Variants in TUSC3 observed in about 807,000 individuals in gnomAD.
TUSC3 encodes the protein tumor suppressor candidate 3, also known as dolichyl-diphosphooligosaccharide--protein glycosyltransferase subunit TUSC3.
TUSC3 carries 45 observed loss-of-function variants against 44.8 expected under a neutral mutation model. That is an observed-to-expected ratio of 1.00 (90% CI 0.79 to 1.29). The LOEUF (loss-of-function observed/expected upper bound fraction) is 1.29. Ranked by LOEUF, TUSC3 falls within the 50% of genes most tolerant of loss-of-function variation. TUSC3 has a pLI of 0.00. For missense variants in TUSC3, 519 were observed against 437.9 expected (o/e 1.19, Z -1.65); for synonymous variants, 212 against 152.9 (o/e 1.39, Z -2.85).
At chr8:15,587,846 A>AT (rs1803662078) in intron 1 of TUSC3, among the ~76,000 whole-genome samples, 1 of 152,090 alleles carries the variant, frequency 6.6e-6, no homozygotes, top group African/African-American at 2.4e-5. Context: ...AGTTTTTAAA[A>AT]TTTAAGATAA....
intron 2 of TUSC3, among the ~76,000 whole-genome samples, chr8:15,637,343 C>T (rs1276844282): frequency 6.6e-6 from 1 of 152,038 alleles, no homozygotes; most frequent in Non-Finnish European, 1.5e-5. Flanking sequence ...GTAATACAGA[C>T]TTCATTTCTG....
intron 2 of TUSC3, among the ~76,000 whole-genome samples, chr8:15,637,723 G>C (rs918046647): frequency 6.6e-6 from 1 of 151,994 alleles, no homozygotes; most frequent in Non-Finnish European, 1.5e-5. Context: ...GGGATGGCTA[G>C]ACTTTTGAGT....
At chr8:15,673,291 C>T (rs1013129487) in intron 5 of TUSC3, among the ~76,000 whole-genome samples, 3 of 152,120 alleles carry the variant, frequency 2.0e-5, no homozygotes, top group African/African-American at 4.8e-5. Context: ...TAGGTACTTA[C>T]GGAGATTTAA....
At chr8:15,808,858 C>CT in the TUSC3 span, among the ~76,000 whole-genome samples, 59 of 152,048 alleles carry the variant, frequency 3.9e-4, 1 homozygote, top group East Asian at 8.1e-3. Context: ...CACAGGTTGT[C>CT]TTTTTTTAAA....
At chr8:15,567,498 C>T (rs1348825246) in intron 1 of TUSC3, among the ~76,000 whole-genome samples, 4 of 152,130 alleles carry the variant, frequency 2.6e-5, no homozygotes, top group Non-Finnish European at 4.4e-5. Context: ...CTTAAGATTC[C>T]TCTTAAATAG....
intron 1 of TUSC3, among the ~76,000 whole-genome samples, chr8:15,571,787 T>C (rs566847028): frequency 2.6e-5 from 4 of 152,318 alleles, no homozygotes; most frequent in African/African-American, 9.6e-5. Flanking sequence ...CAACTAAGTT[T>C]ATGCAGCGTT....
In TUSC3 at chr8:15,748,370, T is replaced by C. The variant is rs1462680779; in HGVS notation, c.938-5T>C. 1 of 1,610,086 alleles carries C rather than the reference T, an allele frequency of 6.2e-7. No individual in the cohort carries two copies. The highest frequency in any genetic ancestry group is 1.1e-5 in the South Asian group (1 of 91,016). On this transcript the variant is annotated splice_polypyrimidine_tract_variant and splice_region_variant and intron_variant, in intron 8 of 10. Coordinates refer to ENST00000503731, the MANE Select transcript of TUSC3 (RefSeq NM_006765.4). ...ACACTAATGGTATTTTCTGTCTGTT[T>C]CTAGTAATTTGCCTAGTGGGATTGG... is the stretch of plus-strand genomic sequence containing the variant.
At chr8:15,702,061 G>C (rs1205597430) in intron 6 of TUSC3, among the ~76,000 whole-genome samples, 3 of 152,160 alleles carry the variant, frequency 2.0e-5, no homozygotes, top group Non-Finnish European at 4.4e-5. Context: ...AATGGGACGA[G>C]AATGGAAGAG....
chr8:15,829,908 C>G, the TUSC3 span, among the ~76,000 whole-genome samples: 1 of 152,124 alleles, frequency 6.6e-6, no homozygotes, highest in Middle Eastern at 3.2e-3. Flanking sequence ...TATATTCCCA[C>G]CAGCAGTGTG....
the TUSC3 span, among the ~76,000 whole-genome samples, chr8:15,817,202 A>G: frequency 1.3e-5 from 2 of 152,300 alleles, no homozygotes; most frequent in African/African-American, 4.8e-5. Flanking sequence ...TTGAAAGCAC[A>G]ACGTAGTGAA....
chr8:15,543,456 G>A (rs369425115), intron 1 of TUSC3, among the ~76,000 whole-genome samples: 4 of 152,144 alleles, frequency 2.6e-5, no homozygotes, highest in South Asian at 4.1e-4. Flanking sequence ...TTACAATTCA[G>A]CCTCTAATTT....
chr8:15,771,194 A>G (rs957439469), downstream of TUSC3, among the ~76,000 whole-genome samples: 6 of 152,170 alleles, frequency 3.9e-5, no homozygotes, highest in African/African-American at 1.2e-4. Flanking sequence ...CTTCCCAGAA[A>G]AAAGAGTCTG....
At chr8:15,749,117 T>G (rs1239039590) in intron 9 of TUSC3, among the ~76,000 whole-genome samples, 1 of 24,234 alleles carries the variant, frequency 4.1e-5, no homozygotes, top group African/African-American at 1.3e-4. Context: ...TCAAGTTTTC[T>G]TAAATAACTT....
intron 5 of TUSC3, among the ~76,000 whole-genome samples, chr8:15,667,254 C>T (rs766094874): frequency 2.6e-5 from 4 of 151,532 alleles, no homozygotes; most frequent in Middle Eastern, 3.2e-3. Context: ...GCTGAAATGA[C>T]TGTAAAGATA....
chr8:15,515,360 G>A (rs1416343924), intron 2 of TUSC3, among the ~76,000 whole-genome samples: 1 of 152,126 alleles, frequency 6.6e-6, no homozygotes, highest in East Asian at 1.9e-4. Context: ...GTCCACTGAA[G>A]AATGAAGACA....
chr8:15,640,966 A>T (rs1806338343), intron 2 of TUSC3, among the ~76,000 whole-genome samples: 1 of 152,156 alleles, frequency 6.6e-6, no homozygotes, highest in African/African-American at 2.4e-5. Flanking sequence ...GGAATTCATG[A>T]GGCATGTTTA....
chr8:15,421,150 A>T (rs546673376), intron 1 of TUSC3, among the ~76,000 whole-genome samples: 13 of 152,118 alleles, frequency 8.5e-5, no homozygotes, highest in African/African-American at 3.1e-4. Flanking sequence ...TATTCCATTC[A>T]TATTCTTCCT....
At chr8:15,596,395 C>T (rs922829618) in intron 1 of TUSC3, among the ~76,000 whole-genome samples, 5 of 152,058 alleles carry the variant, frequency 3.3e-5, no homozygotes, top group African/African-American at 1.2e-4. Context: ...TTTTCTCAAC[C>T]GAATGCAGCT....
intron 3 of TUSC3, among the ~76,000 whole-genome samples, chr8:15,657,907 G>T (rs577190805): frequency 6.6e-6 from 1 of 152,086 alleles, no homozygotes; most frequent in African/African-American, 2.4e-5. Context: ...TTTACCTGCC[G>T]GCGTCTTGCC....
Sources: gnomAD v4.1 joint callset for allele counts (sites outside exome capture counted in the v4.1 genomes callset) on GRCh38, gnomAD v4.1.1 for gene constraint, MANE v1.5 for transcripts, NCBI Gene and HGNC (gene_info 2026-07-23, HGNC 2026-07-21) for gene names.